Variants in PTER observed in about 807,000 individuals in gnomAD.
The protein encoded by PTER is phosphotriesterase related, also known as N-acetyltaurine hydrolase.
A neutral mutation model predicts 29.6 loss-of-function variants in PTER; 38 were observed. The observed-to-expected ratio is 1.28, with a 90% CI of 0.99 to 1.68. The LOEUF (loss-of-function observed/expected upper bound fraction) is 1.68, where lower values mean the gene tolerates loss of function less well. Ranked by LOEUF, PTER falls within the 40% of genes most tolerant of loss-of-function variation. The pLI, the probability that PTER is intolerant of heterozygous loss-of-function variation, is 0.00. For missense variants in PTER, 482 were observed against 427.8 expected (o/e 1.13, Z -1.12); for synonymous variants, 172 against 154.5 (o/e 1.11, Z -0.84).
chr10:16,499,276 C>T (rs573052750), intron 3 of PTER, among the ~76,000 whole-genome samples: 3 of 152,196 alleles, frequency 2.0e-5, no homozygotes, highest in African/African-American at 7.2e-5. Flanking sequence ...ATTAATATCT[C>T]ATACCACATA....
At chr10:16,442,896 C>T (rs541837722) in intron 1 of PTER, among the ~76,000 whole-genome samples, 42 of 152,140 alleles carry the variant, frequency 2.8e-4, no homozygotes, top group African/African-American at 8.7e-4. Context: ...CGCCTGAACC[C>T]GGGAGGCGAA....
chr10:16,477,275 G>GATAC (rs1835307653), intron 1 of PTER, among the ~76,000 whole-genome samples: 1 of 140,290 alleles, frequency 7.1e-6, no homozygotes, highest in South Asian at 2.3e-4. Flanking sequence ...TAGATAGATA[G>GATAC]ATAGATAGAT....
chr10:16,460,074 G>A (rs1470631385), intron 1 of PTER, among the ~76,000 whole-genome samples: 2 of 152,128 alleles, frequency 1.3e-5, no homozygotes, highest in Admixed American at 1.3e-4. Context: ...ACCCCTTCTT[G>A]CAATGACCAA....
chr10:16,472,791 A>G (rs1241399209), intron 1 of PTER, among the ~76,000 whole-genome samples: 1 of 152,210 alleles, frequency 6.6e-6, no homozygotes, highest in African/African-American at 2.4e-5. Flanking sequence ...ATGTTGTGCC[A>G]TCTGGAATTT....
intron 3 of PTER, among the ~76,000 whole-genome samples, chr10:16,501,511 C>T (rs1487705304): frequency 6.6e-6 from 1 of 152,080 alleles, no homozygotes; most frequent in Non-Finnish European, 1.5e-5. Flanking sequence ...TATAGTTACC[C>T]TCTGACTTAG....
At chr10:16,438,740 C>T (rs569724827) in intron 1 of PTER, among the ~76,000 whole-genome samples, 9 of 151,264 alleles carry the variant, frequency 5.9e-5, no homozygotes, top group Admixed American at 5.2e-4. Context: ...CCAGCCTGGC[C>T]AACATGTGAA....
intron 3 of PTER, among the ~76,000 whole-genome samples, chr10:16,497,227 C>T (rs1282435514): frequency 6.6e-6 from 1 of 152,162 alleles, no homozygotes; most frequent in East Asian, 1.9e-4. Flanking sequence ...GAGCCATATG[C>T]CCAGCCTCTC....
At chr10:16,447,541 A>T (rs894920385) in intron 1 of PTER, among the ~76,000 whole-genome samples, 1 of 152,126 alleles carries the variant, frequency 6.6e-6, no homozygotes, top group Non-Finnish European at 1.5e-5. Flanking sequence ...CATTATTACT[A>T]TATAACATAA....
intron 1 of PTER, among the ~76,000 whole-genome samples, chr10:16,479,394 C>T (rs1835395083): frequency 6.6e-6 from 1 of 151,918 alleles, no homozygotes; most frequent in South Asian, 2.1e-4. Flanking sequence ...CCTGGTGTCA[C>T]CGTTGGTCAG....
At chr10:16,478,965 C>G (rs1835379451) in intron 1 of PTER, among the ~76,000 whole-genome samples, 1 of 152,152 alleles carries the variant, frequency 6.6e-6, no homozygotes, top group South Asian at 2.1e-4. Context: ...CCCAGGCTGA[C>G]CTGTCTGCAA....
Position 16,511,552 on chromosome 10 carries a change from C to T in PTER, c.*296C>T, listed in dbSNP as rs923887895. 1.6e-5 allele frequency: 5 copies of T among 317,224 alleles called. No individual in the cohort carries two copies. Among genetic ancestry groups the T allele is most frequent in the East Asian group, 1.1e-4 (2 of 18,534 alleles). The allele number at this position is 317,224 out of a possible 1,614,324, so 19.7% of individuals were successfully genotyped here. On this transcript the variant is annotated 3_prime_UTR_variant, in exon 5 of 5. Transcript: ENST00000535784. ...CCCTAAGCGGAGTTGTTGTTTTTCT[C>T]CCTAATCTATCAGCTGCACTACTTG...
At chr10:16,502,938 G>A (rs1489227468) in intron 3 of PTER, among the ~76,000 whole-genome samples, 16 of 138,782 alleles carry the variant, frequency 1.2e-4, no homozygotes, top group South Asian at 7.0e-4. Flanking sequence ...GCATTGAGCC[G>A]AGATCACGCC....
At chr10:16,453,162 G>C (rs7086317) in intron 1 of PTER, among the ~76,000 whole-genome samples, 1 of 151,882 alleles carries the variant, frequency 6.6e-6, no homozygotes. Flanking sequence ...GTGATTCTTC[G>C]GCCTCAGCCT....
Position 16,486,300 on chromosome 10 carries a change from T to C in PTER, c.433-52T>C. On this transcript the variant is annotated intron_variant, in intron 2 of 4. Coordinates refer to ENST00000535784, the MANE Select transcript of PTER (RefSeq NM_001261836.2). ...TCATTCACATACTGTGGTGGATCTA[T>C]TTTGATAAATTTCACAACCTATAAA... is the stretch of plus-strand genomic sequence containing the variant. The C allele has an allele frequency of 2.0e-6, 3 of 1,500,212 alleles. No homozygotes were observed. The South Asian group carries it at 3.7e-5, about 19-fold the overall frequency. The allele number at this position is 1,500,212 out of a possible 1,614,324, so 92.9% of individuals were successfully genotyped here.
chr10:16,502,518 A>G (rs1836390665), intron 3 of PTER, among the ~76,000 whole-genome samples: 1 of 152,184 alleles, frequency 6.6e-6, no homozygotes, highest in Non-Finnish European at 1.5e-5. Context: ...CTCCCTGCCT[A>G]AAACAACATC....
intron 1 of PTER, among the ~76,000 whole-genome samples, chr10:16,461,798 T>C (rs1834623105): frequency 6.6e-6 from 1 of 152,214 alleles, no homozygotes; most frequent in Non-Finnish European, 1.5e-5. Flanking sequence ...TTTAAGCATA[T>C]TCTGAATCAA....
intron 1 of PTER, among the ~76,000 whole-genome samples, chr10:16,477,263 GATA>G (rs1835305688): frequency 3.3e-5 from 2 of 60,632 alleles, no homozygotes; most frequent in Non-Finnish European, 9.2e-5. Context: ...TCTTTCGATA[GATA>G]GATAGATAGA....
At chr10:16,450,172 T>C (rs892883886) in intron 1 of PTER, among the ~76,000 whole-genome samples, 2 of 152,176 alleles carry the variant, frequency 1.3e-5, no homozygotes, top group African/African-American at 4.8e-5. Context: ...TGGGTCATAC[T>C]CTGAACCTCA....
chr10:16,466,311 T>C (rs1834824954), intron 1 of PTER, among the ~76,000 whole-genome samples: 1 of 151,992 alleles, frequency 6.6e-6, no homozygotes, highest in Non-Finnish European at 1.5e-5. Flanking sequence ...TTTTTTTTTT[T>C]TTTACACCAA....
Sources: gnomAD v4.1 joint callset for allele counts (sites outside exome capture counted in the v4.1 genomes callset) on GRCh38, gnomAD v4.1.1 for gene constraint, MANE v1.5 for transcripts, NCBI Gene and HGNC (gene_info 2026-07-23, HGNC 2026-07-21) for gene names.